FGF14: variants seen among roughly 807,000 people sequenced by gnomAD.
FGF14 encodes fibroblast growth factor 14, also known as fibroblast growth factor homologous factor 4.
Under a neutral mutation model 25.5 loss-of-function variants are expected in FGF14, and 5 were observed. That is an observed-to-expected ratio of 0.20 (90% CI 0.10 to 0.41). The LOEUF (loss-of-function observed/expected upper bound fraction) is 0.41. Ranked by LOEUF, FGF14 falls within the 10% of genes least tolerant of loss-of-function variation. The probability of loss-of-function intolerance (pLI) is 1.00; values close to 1 mark genes in which losing one functional copy is unlikely to be tolerated. For missense variants in FGF14, 222 were observed against 320.1 expected (o/e 0.69, Z 2.34); for synonymous variants, 138 against 118.3 (o/e 1.17, Z -1.08).
chr13:101,940,306 A>C (rs1242452673), intron 1 of FGF14, among the ~76,000 whole-genome samples: 1 of 152,222 alleles, frequency 6.6e-6, no homozygotes, highest in Non-Finnish European at 1.5e-5. Flanking sequence ...CTCTGGAAGT[A>C]TGCAAGAGGT....
chr13:102,152,466 A>C (rs1403015451), intron 1 of FGF14, among the ~76,000 whole-genome samples: 1 of 152,202 alleles, frequency 6.6e-6, no homozygotes, highest in East Asian at 1.9e-4. Context: ...TGTCTGTGTC[A>C]TGATCTCTTC....
At chr13:101,953,931 A>T (rs2036344960) in intron 1 of FGF14, among the ~76,000 whole-genome samples, 1 of 152,110 alleles carries the variant, frequency 6.6e-6, no homozygotes, top group African/African-American at 2.4e-5. Context: ...CAAATTTTAG[A>T]TCAAAGCATC....
chr13:101,971,607 G>A (rs1395646932), intron 1 of FGF14, among the ~76,000 whole-genome samples: 1 of 152,166 alleles, frequency 6.6e-6, no homozygotes, highest in Non-Finnish European at 1.5e-5. Flanking sequence ...TCTGAGTTCA[G>A]GTGATCCACC....
rs143877831 is a variant in FGF14, at chr13:101,895,826, G to A, written c.194-20530C>T. 2.6e-5 allele frequency among the ~76,000 whole-genome samples: 4 copies of A among 152,274 alleles called. No individual in the cohort carries two copies. In the East Asian group the frequency reaches 5.8e-4, roughly 22 times the overall value. ...ACAAAAATGCTCCAGTGATTCTCACGTATTTTTTTTACGTAAGTACTTTCA... is the reference window on the plus strand; with the variant it reads ...ACAAAAATGCTCCAGTGATTCTCACATATTTTTTTTACGTAAGTACTTTCA... On this transcript the variant is annotated intron_variant, in intron 1 of 4. Transcript: ENST00000376143.
chr13:102,171,954 A>C (rs1041135949), intron 1 of FGF14, among the ~76,000 whole-genome samples: 3 of 149,782 alleles, frequency 2.0e-5, no homozygotes, highest in Admixed American at 1.3e-4. Flanking sequence ...TTTGCAAAAA[A>C]AGATATGCAC....
At chr13:102,017,088 CTT>C (rs2040388132) in intron 1 of FGF14, 1 of 161,708 alleles carries the variant, frequency 6.2e-6, no homozygotes, top group Admixed American at 6.2e-5. Flanking sequence ...TTAACATACA[CTT>C]TAACTTTATT....
At chr13:102,359,683 C>T (rs1264747337) in intron 1 of FGF14, among the ~76,000 whole-genome samples, 1 of 151,946 alleles carries the variant, frequency 6.6e-6, no homozygotes, top group East Asian at 1.9e-4. Context: ...ATTTTTAGCC[C>T]TTTATATCTC....
intron 3 of FGF14, among the ~76,000 whole-genome samples, chr13:101,800,364 A>G (rs979918513): frequency 6.6e-6 from 1 of 152,224 alleles, no homozygotes; most frequent in Middle Eastern, 3.2e-3. Flanking sequence ...TTTAACTGCA[A>G]AATATGATAG....
At chr13:101,822,083 C>A (rs1031716681) in intron 3 of FGF14, among the ~76,000 whole-genome samples, 1 of 152,120 alleles carries the variant, frequency 6.6e-6, no homozygotes, top group Non-Finnish European at 1.5e-5. Flanking sequence ...TGTCTACTCT[C>A]TGATCATTGA....
intron 1 of FGF14, among the ~76,000 whole-genome samples, chr13:102,297,402 G>A (rs889414031): frequency 3.3e-5 from 5 of 152,144 alleles, no homozygotes; most frequent in Middle Eastern, 3.4e-3. Flanking sequence ...AGAAACTAAT[G>A]AAATCCTAGT....
At chr13:102,116,840 T>C (rs670753) in intron 1 of FGF14, among the ~76,000 whole-genome samples, 81,088 of 152,108 alleles carry the variant, frequency 0.53, 23,043 homozygotes, top group East Asian at 0.75. Context: ...CATACAAGTA[T>C]TTTATTACAG....
rs2033576774 is a variant in FGF14, at chr13:101,916,920, C to CGAGTG, written c.-280_-276dup. Among the ~76,000 whole-genome samples the CGAGTG allele has an allele frequency of 6.6e-6, 1 of 152,002 alleles. No homozygotes were observed. Among genetic ancestry groups the CGAGTG allele is most frequent in the Non-Finnish European group, 1.5e-5 (1 of 67,952 alleles). On this transcript the variant is annotated 5_prime_UTR_variant, in exon 1 of 5. Transcript: ENST00000376143. ...GTGGCCGCCGCCGCTTGGCCACGTC[C>CGAGTG]GAGTGGAGAGCGGGACCGCGGCTGC...
At chr13:101,748,407 T>C (rs2037035712) in intron 3 of FGF14, among the ~76,000 whole-genome samples, 2 of 151,958 alleles carry the variant, frequency 1.3e-5, no homozygotes, top group African/African-American at 4.8e-5. Flanking sequence ...CCACATGTTC[T>C]CACTTATAAG....
In FGF14 at chr13:102,269,542, A is replaced by G. The variant is rs532960273; in HGVS notation, c.208+131929T>C. 1.1e-4 allele frequency among the ~76,000 whole-genome samples: 16 copies of G among 152,174 alleles called. No homozygotes were observed. In the East Asian group the frequency reaches 3.1e-3, roughly 29 times the overall value. On this transcript the variant is annotated intron_variant, in intron 1 of 4. Coordinates refer to the FGF14 transcript ENST00000376131. ...CCTGGCAATCTTTATTTTATTTTGT[A>G]TTTTATTTTATTATATTTTATTGTA...
At chr13:101,950,809 G>A (rs1366402326) in intron 1 of FGF14, among the ~76,000 whole-genome samples, 1 of 148,608 alleles carries the variant, frequency 6.7e-6, no homozygotes, top group East Asian at 2.0e-4. Context: ...AGAAGAACAG[G>A]TTTGCAGAGT....
rs184225419 is a variant in FGF14 at position 102,059,628 on chromosome 13, A to G, written c.209-184332T>C. 7.2e-4 allele frequency among the ~76,000 whole-genome samples: 110 copies of G among 152,338 alleles called. No individual in the cohort carries two copies. In the East Asian group the frequency reaches 0.018, roughly 25 times the overall value. ...CACTTTGGGAGGCCGAGGCGGGTGG[A>G]TCACGTGAGGTCAGAAGTTCGAAAC... On this transcript the variant is annotated intron_variant, in intron 1 of 4. Transcript: ENST00000376131.
intron 1 of FGF14, among the ~76,000 whole-genome samples, chr13:102,205,655 C>T (rs2049872989): frequency 2.0e-5 from 3 of 150,954 alleles, no homozygotes; most frequent in Admixed American, 1.3e-4. Context: ...AGATGCTAGA[C>T]TGGAGGGGTA....
intron 1 of FGF14, among the ~76,000 whole-genome samples, chr13:101,915,592 C>T (rs1372672705): frequency 1.3e-5 from 2 of 148,266 alleles, no homozygotes; most frequent in Admixed American, 6.8e-5. Flanking sequence ...GAATAGGATG[C>T]CTTCTCAGAC....
At chr13:102,139,069 T>C (rs1454207221) in intron 1 of FGF14, among the ~76,000 whole-genome samples, 3 of 152,220 alleles carry the variant, frequency 2.0e-5, no homozygotes, top group African/African-American at 7.2e-5. Flanking sequence ...AACAATGTAT[T>C]CCAACATCCC....
Sources: allele counts gnomAD v4.1 joint callset (sites outside exome capture counted in the v4.1 genomes callset), GRCh38; gene constraint gnomAD v4.1.1; transcripts MANE v1.5; gene names NCBI Gene and HGNC (gene_info 2026-07-23, HGNC 2026-07-21).